VIRMA: variants seen among roughly 807,000 people sequenced by gnomAD.
VIRMA encodes protein virilizer homolog.
VIRMA carries 65 observed loss-of-function variants against 182.4 expected under a neutral mutation model. The ratio of observed to expected loss-of-function variants is 0.36; its 90% confidence interval spans 0.29 to 0.44. The LOEUF is 0.44. VIRMA is among the 20% of genes least tolerant of loss of function. VIRMA has a pLI of 1.00. For missense variants in VIRMA, 1,752 were observed against 2,158.1 expected (o/e 0.81, Z 3.73); for synonymous variants, 709 against 743.1 (o/e 0.95, Z 0.75).
rs759610135 is a variant in VIRMA, at chr8:94,526,930, A to C, written c.1314T>G (p.Ala438=). Residue 438 remains alanine, a synonymous_variant, in exon 8 of 24, where the codon GCT becomes GCG. Coordinates refer to ENST00000297591, the MANE Select transcript of VIRMA (RefSeq NM_015496.5). ...GGCGAAGCGCTACTTGTAAATTTAAAGCTTGCATGGTCCAGTCTACCAACT... is the reference window on the plus strand; with the variant it reads ...GGCGAAGCGCTACTTGTAAATTTAACGCTTGCATGGTCCAGTCTACCAACT... ...LGQLVDWTMQ[A]LNLQVALRQP... is the part of the protein sequence containing the mutation. The C allele has an allele frequency of 4.3e-6, 7 of 1,614,190 alleles. No homozygotes were observed. Among genetic ancestry groups the C allele is most frequent in the Non-Finnish European group, 5.1e-6 (6 of 1,180,026 alleles).
chr8:94,528,307 A>C (rs1369890287), intron 7 of VIRMA, among the ~76,000 whole-genome samples: 1 of 151,410 alleles, frequency 6.6e-6, no homozygotes, highest in Non-Finnish European at 1.5e-5. Context: ...CAAATACAAT[A>C]AATCTAGAAA....
intron 16 of VIRMA, among the ~76,000 whole-genome samples, chr8:94,501,576 T>C (rs966106016): frequency 6.6e-6 from 1 of 152,182 alleles, no homozygotes; most frequent in African/African-American, 2.4e-5. Context: ...ATATAGATAA[T>C]GAGAGCTGAA....
rs755161314 is a variant in VIRMA, at chr8:94,495,756, A to G, written c.4519T>C (p.Ser1507Pro). Residue 1507 changes from serine to proline, a missense_variant, in exon 19 of 24, where the codon TCT becomes CCT. Physicochemically the swap from Ser to Pro is moderately conservative, Grantham distance 74. Transcript: ENST00000297591. ...DVEPVLSAPE[S>P]LQNLFNNRTA... ...CTATTGTTAAACAGATTCTGAAGAG[A>G]TTCTGGAGCTGAAAGTACTGGTTCT... 1 of 1,613,774 alleles carries G rather than the reference A, an allele frequency of 6.2e-7. No individual in the cohort carries two copies. Among genetic ancestry groups the G allele is most frequent in the Non-Finnish European group, 8.5e-7 (1 of 1,179,864 alleles).
rs1313281064 is a variant in VIRMA, at chr8:94,531,066, ATCT to A, written c.501_503del (p.Glu167del). 6.4e-7 allele frequency: 1 copy of A among 1,574,086 alleles called. No homozygotes were observed. On this transcript the variant is annotated inframe_deletion, in exon 6 of 24. Transcript: ENST00000297591. ...GTCTTGGAGGGCTTCCATTAAACTG[ATCT>A]TCTTTCTCCCCATCAGCTAGTGTTT...
intron 23 of VIRMA, among the ~76,000 whole-genome samples, chr8:94,489,732 T>C (rs1261186002): frequency 1.3e-5 from 2 of 152,210 alleles, no homozygotes; most frequent in African/African-American, 2.4e-5. Flanking sequence ...ATCAACTGTT[T>C]ATGTTATCTG....
chr8:94,546,297 C>G (rs562505861), intron 1 of VIRMA, among the ~76,000 whole-genome samples: 1 of 151,210 alleles, frequency 6.6e-6, no homozygotes, highest in East Asian at 1.9e-4. Flanking sequence ...TTCAATGTCC[C>G]TTGTGCACCA....
intron 21 of VIRMA, 87 bp downstream of exon 21, chr8:94,492,565 C>G (rs1813641413): frequency 8.2e-7 from 1 of 1,219,520 alleles, no homozygotes; most frequent in African/African-American, 1.5e-5. Flanking sequence ...AGCCACCGCG[C>G]TCGGCCGCAT....
chr8:94,489,229 A>T (rs1295968626), intron 23 of VIRMA, among the ~76,000 whole-genome samples: 1 of 152,260 alleles, frequency 6.6e-6, no homozygotes, highest in Non-Finnish European at 1.5e-5. Flanking sequence ...TATCTCTGTT[A>T]TTAAAATACT....
At chr8:94,501,925 T>C (rs1224195483) in intron 16 of VIRMA, among the ~76,000 whole-genome samples, 2 of 152,258 alleles carry the variant, frequency 1.3e-5, no homozygotes, top group Non-Finnish European at 2.9e-5. Context: ...TGGAATGTTC[T>C]GTATCTAACT....
chr8:94,545,505 T>C (rs889373509), intron 1 of VIRMA, among the ~76,000 whole-genome samples: 4 of 152,212 alleles, frequency 2.6e-5, no homozygotes, highest in South Asian at 2.1e-4. Context: ...TTGTTAAATA[T>C]TTATTTCTAA....
chr8:94,515,365 G>C (rs1223101122), intron 10 of VIRMA, among the ~76,000 whole-genome samples: 1 of 151,748 alleles, frequency 6.6e-6, no homozygotes, highest in African/African-American at 2.4e-5. Flanking sequence ...AAAGTGCTGG[G>C]ATTACAACTT....
Position 94,517,900 on chromosome 8 carries a change from G to C in VIRMA, c.2556C>G (p.Cys852Trp). 6.2e-7 allele frequency: 1 copy of C among 1,612,422 alleles called. No homozygotes were observed. The highest frequency in any genetic ancestry group is 8.5e-7 in the Non-Finnish European group (1 of 1,178,692). Reference sequence around the variant, plus strand: ...ACTGAACCACCACCAAAATAAGTATGCATGCGTAATTATAAGCTACTGACT... The same window carrying C: ...ACTGAACCACCACCAAAATAAGTATCCATGCGTAATTATAAGCTACTGACT... ...SKKSVAYNYACILILVVVQSS... is the reference protein window; with the variant it reads ...SKKSVAYNYAWILILVVVQSS... The change falls in exon 10 of 24, where the codon TGC (cysteine) becomes TGG (tryptophan). Residue 852 changes from cysteine to tryptophan, a missense_variant. Physicochemically the swap from Cys to Trp is radical, Grantham distance 215. Around this residue, in one of 11 missense-constraint regions of VIRMA, gnomAD observed 777 missense variants for 920.6 expected, o/e 0.84. Transcript: ENST00000297591.
rs761087852 is a variant in VIRMA at position 94,530,959 on chromosome 8, A to G, written c.607+4T>C. 1.2e-6 allele frequency: 2 copies of G among 1,600,180 alleles called. No individual in the cohort carries two copies. The highest frequency in any genetic ancestry group is 3.5e-5 in the Admixed American group (2 of 57,056). On this transcript the variant is annotated splice_donor_region_variant and intron_variant, in intron 6 of 23. Coordinates refer to ENST00000297591, the MANE Select transcript of VIRMA (RefSeq NM_015496.5). ...GAAAACCTTAGCACTGGTTTTATTT[A>G]TACCTGGCAGAGGCACAGGATCATC...
At chr8:94,513,973 C>A (rs1478867257) in intron 11 of VIRMA, among the ~76,000 whole-genome samples, 1 of 151,960 alleles carries the variant, frequency 6.6e-6, no homozygotes, top group Non-Finnish European at 1.5e-5. Flanking sequence ...GCAGATAAAC[C>A]CAAAAAACAC....
intron 19 of VIRMA, among the ~76,000 whole-genome samples, chr8:94,495,160 C>T (rs1813727510): frequency 6.6e-6 from 1 of 151,860 alleles, no homozygotes; most frequent in Admixed American, 6.6e-5. Context: ...ACCACCACAC[C>T]CAGCTAATTA....
chr8:94,491,009 T>C (rs1368584821), intron 22 of VIRMA, among the ~76,000 whole-genome samples: 3 of 151,690 alleles, frequency 2.0e-5, no homozygotes, highest in African/African-American at 7.3e-5. Context: ...AATGTATAAT[T>C]CTCAATGTAA....
At chr8:94,505,029 T>C (rs1226577091) in intron 16 of VIRMA, among the ~76,000 whole-genome samples, 5 of 152,196 alleles carry the variant, frequency 3.3e-5, no homozygotes, top group Non-Finnish European at 7.3e-5. Flanking sequence ...TTTTTGGCTT[T>C]TTTGGAAGTG....
At chr8:94,499,266 G>T in intron 17 of VIRMA, 108 bp downstream of exon 17, 1 of 739,166 alleles carries the variant, frequency 1.4e-6, no homozygotes, top group Non-Finnish European at 2.0e-6. Context: ...CCACCAGAGT[G>T]CTGAGATTAC....
At chr8:94,501,617 G>C (rs1435117301) in intron 16 of VIRMA, among the ~76,000 whole-genome samples, 1 of 152,148 alleles carries the variant, frequency 6.6e-6, no homozygotes, top group African/African-American at 2.4e-5. Context: ...AAATAATCAA[G>C]AAAGGGAAAA....
Sources: allele counts gnomAD v4.1 joint callset (sites outside exome capture counted in the v4.1 genomes callset), GRCh38; gene constraint gnomAD v4.1.1; regional missense constraint gnomAD v4.1.1; transcripts MANE v1.5; gene names NCBI Gene and HGNC (gene_info 2026-07-23, HGNC 2026-07-21).